TENM4: variants seen among roughly 807,000 people sequenced by gnomAD.
TENM4 encodes teneurin-4.
Under a neutral mutation model 243.3 loss-of-function variants are expected in TENM4, and 82 were observed. The observed-to-expected ratio is 0.34, with a 90% CI of 0.28 to 0.40. The LOEUF (loss-of-function observed/expected upper bound fraction) is 0.40. Among genes scored for constraint, TENM4 ranks in the 10% least tolerant of loss-of-function variants. The pLI is 1.00. For missense variants in TENM4, 3,138 were observed against 3,673.3 expected (o/e 0.85, Z 3.77); for synonymous variants, 1,412 against 1,456.3 (o/e 0.97, Z 0.69).
chr11:79,295,435 T>A (rs1318608788), intron 2 of TENM4, among the ~76,000 whole-genome samples: 1 of 152,110 alleles, frequency 6.6e-6, no homozygotes, highest in Non-Finnish European at 1.5e-5. Flanking sequence ...CAGTAGTAAG[T>A]GACCCCCGCC....
At chr11:79,277,776 G>A (rs1471992702) in intron 2 of TENM4, among the ~76,000 whole-genome samples, 1 of 152,016 alleles carries the variant, frequency 6.6e-6, no homozygotes, top group Non-Finnish European at 1.5e-5. Flanking sequence ...AACCCCAAAG[G>A]TGCTTTTGGC....
chr11:78,986,521 G>A (rs1392801026), intron 6 of TENM4, among the ~76,000 whole-genome samples: 1 of 152,128 alleles, frequency 6.6e-6, no homozygotes, highest in African/African-American at 2.4e-5. Context: ...AGCCAAATGG[G>A]CAAATTTTAT....
rs565237529 is a variant in TENM4 at position 79,029,423 on chromosome 11, C to A, written c.493+35315G>T. ...TGTTTTTCCCAGGACTGCCACCTCCCCACCCTCAATCAATTTCTTTGTGTC... is the reference window on the plus strand; with the variant it reads ...TGTTTTTCCCAGGACTGCCACCTCCACACCCTCAATCAATTTCTTTGTGTC... On this transcript the variant is annotated intron_variant, in intron 6 of 33. Transcript: ENST00000278550. Among the ~76,000 whole-genome samples, 70 of 152,314 alleles carry A rather than the reference C, an allele frequency of 4.6e-4. 2 individuals are homozygous for A. Among genetic ancestry groups the A allele is most frequent in the Admixed American group, 4.5e-3 (69 of 15,294 alleles).
At chr11:79,045,374 C>T (rs912860655) in intron 6 of TENM4, among the ~76,000 whole-genome samples, 9 of 152,116 alleles carry the variant, frequency 5.9e-5, no homozygotes, top group East Asian at 3.9e-4. Context: ...TGGTGAGAGA[C>T]GGGGTCAGTG....
chr11:79,379,070 G>A (rs761958923), intron 1 of TENM4, among the ~76,000 whole-genome samples: 1 of 152,120 alleles, frequency 6.6e-6, no homozygotes, highest in Non-Finnish European at 1.5e-5. Context: ...ATGAGAGTGT[G>A]AGGAAATGCA....
At chr11:78,715,043 T>A (rs1859491336) in intron 25 of TENM4, among the ~76,000 whole-genome samples, 1 of 152,266 alleles carries the variant, frequency 6.6e-6, no homozygotes, top group African/African-American at 2.4e-5. Context: ...GCCACTTGTT[T>A]TAAGTAGATG....
intron 6 of TENM4, among the ~76,000 whole-genome samples, chr11:79,036,482 A>T (rs1387402866): frequency 6.6e-6 from 1 of 152,166 alleles, no homozygotes; most frequent in Non-Finnish European, 1.5e-5. Flanking sequence ...CATCCAGAGG[A>T]GCAGCAGACA....
intron 3 of TENM4, among the ~76,000 whole-genome samples, chr11:79,182,827 C>T (rs1048803382): frequency 1.3e-5 from 2 of 152,168 alleles, no homozygotes; most frequent in Non-Finnish European, 1.5e-5. Flanking sequence ...TGTTCAGCAT[C>T]ATATGCCAGT....
At chr11:78,756,540 G>A in intron 19 of TENM4, 1 of 451,344 alleles carries the variant, frequency 2.2e-6, no homozygotes. Context: ...GATTCCCCTT[G>A]GACCTTTGGT....
At chr11:79,087,145 T>C (rs1323284910) in intron 4 of TENM4, among the ~76,000 whole-genome samples, 2 of 152,184 alleles carry the variant, frequency 1.3e-5, no homozygotes, top group Non-Finnish European at 2.9e-5. Context: ...TCTGAGTAGC[T>C]ATGATCCTGT....
At chr11:79,221,442 T>G (rs1864152398) in intron 2 of TENM4, among the ~76,000 whole-genome samples, 1 of 151,500 alleles carries the variant, frequency 6.6e-6, no homozygotes, top group Admixed American at 6.6e-5. Context: ...AAGACCAATT[T>G]TCACATTAAA....
rs145471783 is a variant in TENM4 at position 79,064,964 on chromosome 11, C to T, written c.267G>A (p.Thr89=). 5.7e-4 allele frequency: 836 copies of T among 1,472,666 alleles called. 3 individuals carry two copies. In the African/African-American group the frequency reaches 0.011, roughly 19 times the overall value. 91.2% of individuals were successfully genotyped at this position (1,472,666 alleles called of 1,614,324 possible). A position where few individuals can be genotyped will look rare whatever the true frequency, so the allele number is the denominator to read the frequency against. The change falls in exon 6 of 34, where the codon ACG becomes ACA. Residue 89 remains threonine (T), a synonymous_variant. Transcript: ENST00000278550. Reference sequence around the variant, plus strand: ...TCCGGTACAGGGTCCCGTGAGGGGGCGTTACTTCTTCCAGCCCCAGCTCCC... The same window carrying T: ...TCCGGTACAGGGTCCCGTGAGGGGGTGTTACTTCTTCCAGCCCCAGCTCCC... ...TLRELGLEEV[T]PPHGTLYRTD...
chr11:79,280,802 T>G (rs1856144453), intron 2 of TENM4, among the ~76,000 whole-genome samples: 1 of 152,222 alleles, frequency 6.6e-6, no homozygotes, highest in Non-Finnish European at 1.5e-5. Flanking sequence ...CTGGAAAATC[T>G]GGGACAGCCA....
intron 1 of TENM4, among the ~76,000 whole-genome samples, chr11:79,344,941 G>A (rs1016907776): frequency 1.3e-5 from 2 of 152,172 alleles, no homozygotes; most frequent in Non-Finnish European, 2.9e-5. Flanking sequence ...AGAAATCGCT[G>A]CCATCCAAAG....
chr11:79,147,220 T>C (rs1433222849), intron 4 of TENM4, among the ~76,000 whole-genome samples: 1 of 152,072 alleles, frequency 6.6e-6, no homozygotes, highest in Admixed American at 6.6e-5. Flanking sequence ...TACAAAACAC[T>C]CAATCTCTCA....
At chr11:79,012,338 G>A (rs572865295) in intron 6 of TENM4, among the ~76,000 whole-genome samples, 6 of 152,300 alleles carry the variant, frequency 3.9e-5, no homozygotes, top group African/African-American at 1.4e-4. Flanking sequence ...GAAAACAGGA[G>A]GTTGCCAGAC....
At chr11:78,999,941 A>G (rs559963317) in intron 6 of TENM4, among the ~76,000 whole-genome samples, 1 of 152,334 alleles carries the variant, frequency 6.6e-6, no homozygotes, top group African/African-American at 2.4e-5. Flanking sequence ...AGCAAGATAA[A>G]TGAGAAGAGA....
At chr11:78,905,411 G>A (rs753183601) in intron 6 of TENM4, among the ~76,000 whole-genome samples, 8 of 152,188 alleles carry the variant, frequency 5.3e-5, no homozygotes, top group African/African-American at 1.9e-4. Flanking sequence ...AGGGGAGTTA[G>A]GGGTGGAAGG....
intron 10 of TENM4, among the ~76,000 whole-genome samples, chr11:78,860,665 A>G (rs1858797253): frequency 6.6e-6 from 1 of 152,240 alleles, no homozygotes. Flanking sequence ...AAGGAAGAAC[A>G]TTGTGGTCTC....
Sources: gnomAD v4.1 joint callset for allele counts (sites outside exome capture counted in the v4.1 genomes callset) on GRCh38, gnomAD v4.1.1 for gene constraint, MANE v1.5 for transcripts, NCBI Gene and HGNC (gene_info 2026-07-23, HGNC 2026-07-21) for gene names.